The following PCDHA3 variants were observed in gnomAD, a reference collection of about 807,000 sequenced individuals.
PCDHA3 encodes the protein protocadherin alpha-3.
A neutral mutation model predicts 62.2 loss-of-function variants in PCDHA3; 41 were observed. That is an observed-to-expected ratio of 0.66 (90% CI 0.51 to 0.86). The LOEUF is 0.86. PCDHA3 is among the 40% of genes least tolerant of loss of function. The probability of loss-of-function intolerance (pLI) is 0.00; values close to 1 mark genes in which losing one functional copy is unlikely to be tolerated. For missense variants in PCDHA3, 1,304 were observed against 1,241.2 expected (o/e 1.05, Z -0.76); for synonymous variants, 640 against 555.4 (o/e 1.15, Z -2.14).
At chr5:140,988,014 A>G (rs782358781) in intron 3 of PCDHA3, among the ~76,000 whole-genome samples, 4 of 152,242 alleles carry the variant, frequency 2.6e-5, no homozygotes, top group African/African-American at 7.2e-5. Context: ...GAAAGAAAGC[A>G]TGATTCTTAA....
chr5:140,807,419 A>C lies in PCDHA3; in HGVS notation c.2394+3828A>C, dbSNP rs1226782734. On this transcript the variant is annotated intron_variant, in intron 1 of 3. Coordinates refer to ENST00000522353, the MANE Select transcript of PCDHA3 (RefSeq NM_018906.3). ...GGGCCGCGGAGGCCTTCTGGAGGTA[A>C]ATCTGCAGAATGGCATTTTGTTTGT... 2 of 1,591,556 alleles carry C rather than the reference A, an allele frequency of 1.3e-6. No homozygotes were observed. Among genetic ancestry groups the C allele is most frequent in the Non-Finnish European group, 1.7e-6 (2 of 1,171,160 alleles).
chr5:140,873,706 G>T (rs1419666886), intron 1 of PCDHA3, among the ~76,000 whole-genome samples: 1 of 152,132 alleles, frequency 6.6e-6, no homozygotes, highest in Non-Finnish European at 1.5e-5. Context: ...TATCACCCAG[G>T]CTGGTGTGCA....
chr5:141,001,529 A>T (rs1344687772), intron 3 of PCDHA3, among the ~76,000 whole-genome samples: 1 of 152,106 alleles, frequency 6.6e-6, no homozygotes, highest in Non-Finnish European at 1.5e-5. Context: ...TCTCTCTCTG[A>T]TCCTGGACAG....
intron 1 of PCDHA3, among the ~76,000 whole-genome samples, chr5:140,960,014 A>G (rs1380089859): frequency 6.6e-6 from 1 of 152,222 alleles, no homozygotes; most frequent in Non-Finnish European, 1.5e-5. Flanking sequence ...ATTTTGCATC[A>G]TGATTTTGTT....
At chr5:140,942,418 A>G (rs1554214971) in intron 1 of PCDHA3, among the ~76,000 whole-genome samples, 2 of 152,146 alleles carry the variant, frequency 1.3e-5, no homozygotes, top group South Asian at 2.1e-4. Flanking sequence ...TTAAAAAAAA[A>G]AAAGATATCT....
intron 1 of PCDHA3, chr5:140,875,592 A>G: frequency 6.2e-7 from 1 of 1,613,992 alleles, no homozygotes; most frequent in Non-Finnish European, 8.5e-7. Flanking sequence ...AGGAGGCCAA[A>G]CACGGCACCT....
At chr5:140,808,824 G>T (rs142005186) in intron 1 of PCDHA3, 2 of 1,612,884 alleles carry the variant, frequency 1.2e-6, no homozygotes, top group Non-Finnish European at 8.5e-7. Flanking sequence ...CCACCTCTGG[G>T]CAGCAACGTG....
At chr5:140,807,690 T>C in intron 1 of PCDHA3, 5 of 1,614,210 alleles carry the variant, frequency 3.1e-6, no homozygotes, top group Non-Finnish European at 4.2e-6. Flanking sequence ...AACGCCCTGC[T>C]CACTTACAGA....
chr5:140,830,320 C>CG (rs2150184981), intron 1 of PCDHA3: 1 of 1,613,990 alleles, frequency 6.2e-7, no homozygotes, highest in Non-Finnish European at 8.5e-7. Context: ...TGTGCTCCAG[C>CG]GCAGTGGGGA....
At chr5:140,941,210 TC>T (rs2092849552) in intron 1 of PCDHA3, among the ~76,000 whole-genome samples, 1 of 100,630 alleles carries the variant, frequency 9.9e-6, no homozygotes, top group African/African-American at 5.4e-5. Flanking sequence ...TTCCTTTCTT[TC>T]TTCCTTTCTT....
chr5:140,828,328 G>C (rs2150154136), intron 1 of PCDHA3: 2 of 1,614,228 alleles, frequency 1.2e-6, no homozygotes, highest in Admixed American at 3.3e-5. Flanking sequence ...AGGTAAATCT[G>C]CAGAATGGCA....
chr5:140,819,247 T>A (rs1766517839), intron 1 of PCDHA3, among the ~76,000 whole-genome samples: 1 of 152,184 alleles, frequency 6.6e-6, no homozygotes, highest in African/African-American at 2.4e-5. Flanking sequence ...CTCTGCAATC[T>A]GGTATATCTA....
At position 140,802,510 on chromosome 5, in the gene PCDHA3, C is replaced by T; in HGVS notation, c.1313C>T (p.Thr438Met). 2.5e-6 allele frequency: 4 copies of T among 1,614,190 alleles called. No homozygotes were observed. The highest frequency in any genetic ancestry group is 4.5e-5 in the East Asian group (2 of 44,884). Residue 438 changes from threonine to methionine, a missense_variant, in exon 1 of 4, where the codon ACG (threonine) becomes ATG (methionine). Thr to Met is a moderately conservative substitution (Grantham distance 81). Transcript: ENST00000522353. The part of the protein sequence containing the change: ...RDGGSPSLWA[T>M]ASVSVEVADV... ...GGGGGCTCGCCTTCACTGTGGGCCA[C>T]GGCCAGCGTGTCCGTGGAGGTGGCC...
In PCDHA3 at chr5:140,883,981, C is replaced by T. The variant is rs781859248; in HGVS notation, c.2394+80390C>T. 9.3e-6 allele frequency: 15 copies of T among 1,612,896 alleles called. No homozygotes were observed. In the South Asian group the frequency reaches 1.5e-4, roughly 17 times the overall value. ...CGGCGCTGCTGACGCCCGGGGCTGG[C>T]AGCGCGGGAGGCACAGTGAGCGAGC... On this transcript the variant is annotated intron_variant, in intron 1 of 3. Coordinates refer to ENST00000522353, the MANE Select transcript of PCDHA3 (RefSeq NM_018906.3).
intron 3 of PCDHA3, among the ~76,000 whole-genome samples, chr5:140,985,796 G>GTGC (rs1245486198): frequency 7.1e-6 from 1 of 140,828 alleles, no homozygotes; most frequent in Non-Finnish European, 1.5e-5. Flanking sequence ...CTGGAGTGCA[G>GTGC]TGGCACGATC....
At chr5:140,871,141 C>A (rs1431247385) in intron 1 of PCDHA3, 2 of 1,613,438 alleles carry the variant, frequency 1.2e-6, no homozygotes, top group Non-Finnish European at 1.7e-6. Context: ...GGCCTCTTCC[C>A]GGACTTTGGC....
At chr5:140,921,538 A>C (rs572073676) in intron 1 of PCDHA3, among the ~76,000 whole-genome samples, 2 of 152,344 alleles carry the variant, frequency 1.3e-5, no homozygotes, top group Admixed American at 6.5e-5. Flanking sequence ...CTGATAGAAC[A>C]TTCTGCAAAA....
intron 1 of PCDHA3, among the ~76,000 whole-genome samples, chr5:140,975,757 A>G (rs779490429): frequency 6.6e-5 from 10 of 152,234 alleles, no homozygotes; most frequent in South Asian, 2.1e-4. Flanking sequence ...ATTCTATGTC[A>G]TAAATCACAG....
intron 3 of PCDHA3, among the ~76,000 whole-genome samples, chr5:141,000,387 CTCTCTCTCTATATATATATA>C (rs1348939997): frequency 1.5e-5 from 1 of 66,898 alleles, no homozygotes; most frequent in Non-Finnish European, 2.8e-5. Context: ...CTCTCTCTCT[CTCTCTCTCTATATATATATA>C]TATATATATA....
Sources: gnomAD v4.1 joint callset for allele counts (sites outside exome capture counted in the v4.1 genomes callset) on GRCh38, gnomAD v4.1.1 for gene constraint, MANE v1.5 for transcripts, NCBI Gene and HGNC (gene_info 2026-07-23, HGNC 2026-07-21) for gene names.